Variants in TBXAS1 observed in about 807,000 individuals in gnomAD.
The protein encoded by TBXAS1 is thromboxane-A synthase.
Under a neutral mutation model 60.7 loss-of-function variants are expected in TBXAS1, and 48 were observed. That is an observed-to-expected ratio of 0.79 (90% CI 0.63 to 1.01). The LOEUF (loss-of-function observed/expected upper bound fraction) is 1.01. Among genes scored for constraint, TBXAS1 ranks in the 50% least tolerant of loss-of-function variants. The pLI is 0.00. For missense variants in TBXAS1, 685 were observed against 686.3 expected (o/e 1.00, Z 0.02); for synonymous variants, 287 against 269.7 (o/e 1.06, Z -0.63).
At chr7:139,984,777 AAAGAAAAG>A (rs1274228678) in intron 9 of TBXAS1, among the ~76,000 whole-genome samples, 28 of 55,140 alleles carry the variant, frequency 5.1e-4, no homozygotes, top group African/African-American at 1.1e-3. Flanking sequence ...GGAAAGAAAG[AAAGAAAAG>A]AAAGAAAGAA....
chr7:139,945,259 ACCT>A (rs1466861283), intron 5 of TBXAS1, among the ~76,000 whole-genome samples: 1 of 152,190 alleles, frequency 6.6e-6, no homozygotes, highest in Non-Finnish European at 1.5e-5. Flanking sequence ...ATGCTTTGTG[ACCT>A]CCTTGGAATC....
At chr7:139,946,317 G>A (rs1338058180) in intron 5 of TBXAS1, among the ~76,000 whole-genome samples, 1 of 152,194 alleles carries the variant, frequency 6.6e-6, no homozygotes, top group Non-Finnish European at 1.5e-5. Context: ...TCCAGCCTGG[G>A]TGACAGAATG....
intron 7 of TBXAS1, among the ~76,000 whole-genome samples, chr7:139,956,233 G>A (rs567510756): frequency 1.5e-4 from 23 of 152,108 alleles, no homozygotes; most frequent in Admixed American, 3.9e-4. Context: ...CGCAACCTCC[G>A]CCTCCTGGGT....
intron 4 of TBXAS1, among the ~76,000 whole-genome samples, chr7:139,788,147 C>T (rs996602485): frequency 1.3e-5 from 2 of 152,266 alleles, no homozygotes; most frequent in South Asian, 2.1e-4. Flanking sequence ...AGGTTGTTAG[C>T]CTACAGTCAG....
intron 9 of TBXAS1, among the ~76,000 whole-genome samples, chr7:139,972,651 T>A (rs1469231110): frequency 6.6e-6 from 1 of 152,134 alleles, no homozygotes; most frequent in African/African-American, 2.4e-5. Flanking sequence ...ATTTAAAGAC[T>A]TCTTGTCCCC....
At chr7:139,890,862 T>G (rs778392692) in intron 3 of TBXAS1, among the ~76,000 whole-genome samples, 4 of 152,128 alleles carry the variant, frequency 2.6e-5, no homozygotes, top group Non-Finnish European at 4.4e-5. Context: ...CCCCTTCCCA[T>G]CCCCAATAGT....
intron 5 of TBXAS1, among the ~76,000 whole-genome samples, chr7:139,947,718 G>T (rs780711745): frequency 6.6e-6 from 1 of 152,138 alleles, no homozygotes; most frequent in Admixed American, 6.5e-5. Flanking sequence ...CCTCACACTC[G>T]GCATCACCTG....
intron 9 of TBXAS1, among the ~76,000 whole-genome samples, chr7:140,000,025 G>T (rs902803622): frequency 6.6e-6 from 1 of 152,030 alleles, no homozygotes; most frequent in Non-Finnish European, 1.5e-5. Context: ...CGTATGTGTA[G>T]GTGTGTGACT....
intron 9 of TBXAS1, among the ~76,000 whole-genome samples, chr7:139,992,587 G>A (rs1812996461): frequency 6.6e-6 from 1 of 152,268 alleles, no homozygotes; most frequent in African/African-American, 2.4e-5. Flanking sequence ...AATAGCATCA[G>A]GTGGAGGAGG....
chr7:139,920,708 T>C (rs985192676), intron 4 of TBXAS1, among the ~76,000 whole-genome samples: 2 of 152,198 alleles, frequency 1.3e-5, no homozygotes, highest in Non-Finnish European at 2.9e-5. Flanking sequence ...AGGATTCCTG[T>C]CAGCTCTTAA....
At chr7:140,007,808 T>G (rs1408560903) in intron 10 of TBXAS1, among the ~76,000 whole-genome samples, 1 of 152,204 alleles carries the variant, frequency 6.6e-6, no homozygotes, top group East Asian at 1.9e-4. Context: ...AACTATACAC[T>G]TCATGTTATA....
chr7:139,962,569 T>C, intron 9 of TBXAS1: 1 of 345,886 alleles, frequency 2.9e-6, no homozygotes. Flanking sequence ...CTTCCCAATA[T>C]CTGACTTGGA....
At chr7:139,793,317 G>T (rs73475978) in intron 4 of TBXAS1, among the ~76,000 whole-genome samples, 2,474 of 152,228 alleles carry the variant, frequency 0.016, 48 homozygotes, top group African/African-American at 0.052. Context: ...CTACTCAAGA[G>T]GCCAAGCCAG....
intron 1 of TBXAS1, among the ~76,000 whole-genome samples, chr7:139,856,678 G>A (rs1800606103): frequency 2.0e-5 from 3 of 152,172 alleles, no homozygotes; most frequent in South Asian, 4.1e-4. Flanking sequence ...TGGGTCCCAT[G>A]TAGAAAAAAT....
intron 4 of TBXAS1, among the ~76,000 whole-genome samples, chr7:139,793,343 C>T (rs896127668): frequency 4.3e-4 from 65 of 152,218 alleles, no homozygotes; most frequent in African/African-American, 1.5e-3. Flanking sequence ...TCACTTGAAG[C>T]TGGGAGGTGG....
intron 9 of TBXAS1, among the ~76,000 whole-genome samples, chr7:139,980,463 C>T (rs968144501): frequency 2.0e-5 from 3 of 152,118 alleles, no homozygotes; most frequent in African/African-American, 7.2e-5. Flanking sequence ...TCCCTGTTGT[C>T]CATGTCTGGT....
At chr7:139,906,817 G>A (rs1008900587) in intron 3 of TBXAS1, among the ~76,000 whole-genome samples, 2 of 152,066 alleles carry the variant, frequency 1.3e-5, no homozygotes, top group Admixed American at 1.3e-4. Flanking sequence ...ATGGCAATGT[G>A]CTTTCATTTG....
intron 7 of TBXAS1, among the ~76,000 whole-genome samples, chr7:139,956,675 G>C (rs1017666378): frequency 6.6e-6 from 1 of 152,222 alleles, no homozygotes; most frequent in African/African-American, 2.4e-5. Context: ...CCCTGAAATC[G>C]TAGGCAGAGT....
intron 9 of TBXAS1, among the ~76,000 whole-genome samples, chr7:139,995,187 G>C (rs1487445683): frequency 6.6e-6 from 1 of 152,178 alleles, no homozygotes; most frequent in South Asian, 2.1e-4. Flanking sequence ...CAGGAGGGGC[G>C]GGGAGGGGTC....
Sources: gnomAD v4.1 joint callset for allele counts (sites outside exome capture counted in the v4.1 genomes callset) on GRCh38, gnomAD v4.1.1 for gene constraint, MANE v1.5 for transcripts, NCBI Gene and HGNC (gene_info 2026-07-23, HGNC 2026-07-21) for gene names.